FSIP1: variants seen among roughly 807,000 people sequenced by gnomAD.
FSIP1 encodes fibrous sheath-interacting protein 1.
In FSIP1, 65 loss-of-function variants were observed where a neutral mutation model predicts 60.9. That is an observed-to-expected ratio of 1.07 (90% confidence interval 0.87 to 1.31). The LOEUF (loss-of-function observed/expected upper bound fraction) is 1.31. Among genes scored for constraint, FSIP1 ranks in the 40% most tolerant of loss-of-function variants. The probability of loss-of-function intolerance (pLI) is 0.00; values close to 1 mark genes in which losing one functional copy is unlikely to be tolerated. For missense variants in FSIP1, 675 were observed against 665.5 expected (o/e 1.01, Z -0.16); for synonymous variants, 209 against 221.2 (o/e 0.94, Z 0.49).
At chr15:39,684,448 G>C (rs1762363749) in intron 10 of FSIP1, among the ~76,000 whole-genome samples, 1 of 152,072 alleles carries the variant, frequency 6.6e-6, no homozygotes, top group South Asian at 2.1e-4. Context: ...TCCATAAATA[G>C]CTGCTCAATG....
chr15:39,621,085 C>G (rs1032656004), intron 10 of FSIP1, among the ~76,000 whole-genome samples: 1 of 145,140 alleles, frequency 6.9e-6, no homozygotes, highest in South Asian at 2.1e-4. Flanking sequence ...TACAAAATTA[C>G]AAATTCAAAA....
At chr15:39,642,497 C>T (rs1385100877) in intron 10 of FSIP1, among the ~76,000 whole-genome samples, 2 of 152,116 alleles carry the variant, frequency 1.3e-5, no homozygotes, top group Admixed American at 6.5e-5. Flanking sequence ...TAACTGAATT[C>T]TTTAGTGACA....
chr15:39,657,439 AAAC>A (rs1338282818), intron 10 of FSIP1, among the ~76,000 whole-genome samples: 1 of 151,656 alleles, frequency 6.6e-6, no homozygotes, highest in Non-Finnish European at 1.5e-5. Context: ...TCTCCAACAA[AAAC>A]AACATGTTTA....
chr15:39,629,443 G>A (rs533020451), intron 10 of FSIP1, among the ~76,000 whole-genome samples: 2 of 152,288 alleles, frequency 1.3e-5, no homozygotes, highest in African/African-American at 2.4e-5. Context: ...AGGGCACCAG[G>A]TGAGTCTCTT....
chr15:39,706,615 TACAG>T (rs981984908), intron 10 of FSIP1, among the ~76,000 whole-genome samples: 1 of 152,208 alleles, frequency 6.6e-6, no homozygotes, highest in Non-Finnish European at 1.5e-5. Flanking sequence ...ATATGTATAT[TACAG>T]ACAGTCTGAG....
intron 5 of FSIP1, among the ~76,000 whole-genome samples, chr15:39,753,561 A>G (rs1291934952): frequency 1.3e-5 from 2 of 152,124 alleles, no homozygotes; most frequent in Non-Finnish European, 2.9e-5. Context: ...CCAGGAATAA[A>G]AGACTCATTT....
chr15:39,749,825 G>A (rs1897113276), intron 5 of FSIP1, among the ~76,000 whole-genome samples: 1 of 151,752 alleles, frequency 6.6e-6, no homozygotes, highest in East Asian at 1.9e-4. Context: ...ATCTGACAAG[G>A]AAAAGAAATA....
At chr15:39,597,828 A>G (rs1890508777), downstream of FSIP1, 1 of 152,192 alleles carries the variant, frequency 6.6e-6, no homozygotes, top group African/African-American at 2.4e-5. Flanking sequence ...ACACTGAAGC[A>G]CACGCAACTC....
At chr15:39,612,190 C>T (rs2140371699) in intron 11 of FSIP1, among the ~76,000 whole-genome samples, 1 of 152,182 alleles carries the variant, frequency 6.6e-6, no homozygotes, top group South Asian at 2.1e-4. Context: ...AACATCACAC[C>T]CTACAGCAAG....
chr15:39,709,558 T>G (rs2631705), intron 10 of FSIP1, among the ~76,000 whole-genome samples: 87,828 of 152,040 alleles, frequency 0.58, 27,961 homozygotes, highest in Non-Finnish European at 0.73. Context: ...GCCAAGAATC[T>G]CTGGCAAAAG....
chr15:39,648,178 A>T (rs564525071), intron 10 of FSIP1, among the ~76,000 whole-genome samples: 5 of 146,966 alleles, frequency 3.4e-5, no homozygotes, highest in African/African-American at 7.7e-5. Context: ...TAAAAAAAAA[A>T]AGAAAAAAAA....
At chr15:39,687,948 T>G (rs1894448509) in intron 10 of FSIP1, among the ~76,000 whole-genome samples, 1 of 152,068 alleles carries the variant, frequency 6.6e-6, no homozygotes, top group South Asian at 2.1e-4. Context: ...ACTCCCAAAA[T>G]TTGGAACCAA....
Position 39,763,895 on chromosome 15 carries a change from G to T in FSIP1, c.485C>A (p.Ala162Asp). The change falls in exon 5 of 12, where the codon GCT (alanine) becomes GAT (aspartate). Residue 162 changes from alanine to aspartate, a missense_variant. Coordinates refer to ENST00000350221, the MANE Select transcript of FSIP1 (RefSeq NM_152597.5). ...TTCCATCTCCTCTTTACTTTGCCAA[G>T]CTTCACTATATTTTGCAGACTAATG... ...EEIKSAKYSEAWQSKEEMENT... is the reference protein window; with the variant it reads ...EEIKSAKYSEDWQSKEEMENT... The T allele has an allele frequency of 6.3e-7, 1 of 1,588,656 alleles. No individual in the cohort carries two copies. Among genetic ancestry groups the T allele is most frequent in the Non-Finnish European group, 8.6e-7 (1 of 1,158,064 alleles).
intron 4 of FSIP1, among the ~76,000 whole-genome samples, chr15:39,765,241 CTTTTTTTTTTT>C (rs71132116): frequency 3.5e-5 from 4 of 115,176 alleles, no homozygotes; most frequent in South Asian, 2.8e-4. Context: ...GAAATTCTTT[CTTTTTTTTTTT>C]TTTTTTTTTG....
At chr15:39,721,811 A>G (rs1895994443) in intron 9 of FSIP1, among the ~76,000 whole-genome samples, 1 of 152,242 alleles carries the variant, frequency 6.6e-6, no homozygotes, top group Non-Finnish European at 1.5e-5. Flanking sequence ...TAATGCTGAC[A>G]TATTTTCTAA....
chr15:39,704,587 A>C (rs2140530987), intron 10 of FSIP1, among the ~76,000 whole-genome samples: 1 of 152,284 alleles, frequency 6.6e-6, no homozygotes, highest in East Asian at 1.9e-4. Flanking sequence ...TGGCCTTCTG[A>C]TTATTTCTGA....
intron 10 of FSIP1, among the ~76,000 whole-genome samples, chr15:39,692,553 A>C (rs1462407609): frequency 6.6e-6 from 1 of 152,230 alleles, no homozygotes; most frequent in African/African-American, 2.4e-5. Context: ...CACATAACAC[A>C]GCAAAGCCTG....
chr15:39,689,397 C>G (rs1878222417), intron 10 of FSIP1, among the ~76,000 whole-genome samples: 1 of 152,186 alleles, frequency 6.6e-6, no homozygotes, highest in African/African-American at 2.4e-5. Flanking sequence ...TCTCCCCTCC[C>G]TGGACATCTA....
At chr15:39,632,652 G>C (rs530546812) in intron 10 of FSIP1, among the ~76,000 whole-genome samples, 1 of 152,236 alleles carries the variant, frequency 6.6e-6, no homozygotes, top group South Asian at 2.1e-4. Flanking sequence ...ACTTAGCTGG[G>C]CATGGTGACG....
Sources: gnomAD v4.1 joint callset for allele counts (sites outside exome capture counted in the v4.1 genomes callset) on GRCh38, gnomAD v4.1.1 for gene constraint, MANE v1.5 for transcripts, NCBI Gene and HGNC (gene_info 2026-07-23, HGNC 2026-07-21) for gene names.